Variants in SDK1 observed in about 807,000 individuals in gnomAD.
SDK1 encodes the protein sidekick cell adhesion molecule 1.
Under a neutral mutation model 245.5 loss-of-function variants are expected in SDK1, and 157 were observed. The ratio of observed to expected loss-of-function variants is 0.64; its 90% CI spans 0.56 to 0.73. SDK1 has a LOEUF of 0.73. Ranked by LOEUF, SDK1 falls within the 30% of genes least tolerant of loss-of-function variation. The pLI, the probability that SDK1 is intolerant of heterozygous loss-of-function variation, is 0.00. For synonymous variants in SDK1, 1,647 were observed against 1,278.5 expected (o/e 1.29, Z -6.15); for missense variants, 3,583 against 3,002.3 (o/e 1.19, Z -4.52).
chr7:4,119,627 A>G (rs1783937643), intron 25 of SDK1, among the ~76,000 whole-genome samples: 1 of 149,192 alleles, frequency 6.7e-6, no homozygotes, highest in Admixed American at 6.7e-5. Flanking sequence ...CAAAAATAAA[A>G]CAAAAAGAAA....
rs1406589741 is a variant in SDK1 at position 3,492,164 on chromosome 7, T to C, written c.299-126916T>C. 2.6e-5 allele frequency among the ~76,000 whole-genome samples: 4 copies of C among 152,234 alleles called. 1 individual carries two copies. The highest frequency in any genetic ancestry group is 1.3e-4 in the Admixed American group (2 of 15,290). Reference sequence around the variant, plus strand: ...GCTAGGGAACTTAGTAAGTGCTTTTTAAAATCTAGAGCATTTTCAAAATGC... The same window carrying C: ...GCTAGGGAACTTAGTAAGTGCTTTTCAAAATCTAGAGCATTTTCAAAATGC... On this transcript the variant is annotated intron_variant, in intron 1 of 44. Transcript: ENST00000404826.
intron 5 of SDK1, among the ~76,000 whole-genome samples, chr7:3,899,390 C>A (rs375637861): frequency 3.3e-5 from 5 of 152,316 alleles, no homozygotes; most frequent in South Asian, 2.1e-4. Flanking sequence ...CCAAAAGGCC[C>A]ATTTAAATCC....
intron 16 of SDK1, among the ~76,000 whole-genome samples, chr7:4,014,207 G>T (rs1006355346): frequency 1.3e-5 from 2 of 152,210 alleles, no homozygotes; most frequent in Admixed American, 1.3e-4. Context: ...CACAGAACCA[G>T]GCCCGGGGCA....
intron 13 of SDK1, among the ~76,000 whole-genome samples, chr7:3,975,584 C>G (rs1782858962): frequency 6.6e-6 from 1 of 152,222 alleles, no homozygotes; most frequent in Non-Finnish European, 1.5e-5. Flanking sequence ...TTGCTAAGTG[C>G]TAAGCATGTG....
At chr7:4,156,677 A>G (rs182793934) in intron 30 of SDK1, among the ~76,000 whole-genome samples, 1 of 152,338 alleles carries the variant, frequency 6.6e-6, no homozygotes, top group East Asian at 1.9e-4. Flanking sequence ...TCAGTTTTCT[A>G]AAAAGCAGAA....
chr7:3,832,835 A>G (rs1779943933), intron 5 of SDK1, among the ~76,000 whole-genome samples: 1 of 151,356 alleles, frequency 6.6e-6, no homozygotes, highest in Admixed American at 6.6e-5. Flanking sequence ...TGTTTAGCAC[A>G]AAATTAGTTC....
Position 3,452,227 on chromosome 7 carries a change from A to AGT in SDK1, c.298+150345_298+150346dup, listed in dbSNP as rs370248901. Among the ~76,000 whole-genome samples, 139 of 152,224 alleles carry AGT rather than the reference A, an allele frequency of 9.1e-4. 1 individual carries two copies. Among genetic ancestry groups the AGT allele is most frequent in the African/African-American group, 3.2e-3 (132 of 41,544 alleles). On this transcript the variant is annotated intron_variant, in intron 1 of 44. Transcript: ENST00000404826. ...AATTTTATCTAACCTCTTAAGAACA[A>AGT]GTGGTTATTTTCTCAAGGACTCTAG...
intron 7 of SDK1, chr7:3,952,230 G>A: frequency 8.3e-6 from 3 of 360,194 alleles, no homozygotes; most frequent in Non-Finnish European, 1.5e-5. Flanking sequence ...GCTTTAGGCT[G>A]CTAAGCTTTT....
Position 4,172,223 on chromosome 7 carries a change from C to T in SDK1, c.4801-1999C>T, listed in dbSNP as rs574330158. 5.3e-5 allele frequency among the ~76,000 whole-genome samples: 8 copies of T among 152,356 alleles called. No homozygotes were observed. In the South Asian group the frequency reaches 1.4e-3, roughly 28 times the overall value. On this transcript the variant is annotated intron_variant, in intron 32 of 44. Coordinates refer to ENST00000404826, the MANE Select transcript of SDK1 (RefSeq NM_152744.4). ...AGAGGGACAGCTGCTGGCAGCCCTG[C>T]ATGGCAGTGGCCTGGGGGCTGCTTG...
chr7:3,706,428 G>C (rs969240897), intron 4 of SDK1, among the ~76,000 whole-genome samples: 3 of 152,096 alleles, frequency 2.0e-5, no homozygotes, highest in African/African-American at 7.2e-5. Context: ...TTTTTATGGA[G>C]TCTTGCTCTG....
chr7:3,410,578 C>CTTTTTTTTTT (rs776277920), intron 1 of SDK1, among the ~76,000 whole-genome samples: 3 of 82,058 alleles, frequency 3.7e-5, no homozygotes, highest in African/African-American at 1.6e-4. Context: ...GAAATGATAT[C>CTTTTTTTTTT]TTTTTTTTTT....
Position 3,995,258 on chromosome 7 carries a change from C to G in SDK1, c.2131+7936C>G, listed in dbSNP as rs567217857. On this transcript the variant is annotated intron_variant, in intron 14 of 44. Transcript: ENST00000404826. ...CTCACCGAATCTGGGAATTCTCGCC[C>G]TGATCCTGTCCCCCTCTGCCTTTGC... Among the ~76,000 whole-genome samples the G allele has an allele frequency of 2.6e-5, 4 of 152,306 alleles. No homozygotes were observed. In the South Asian group the frequency reaches 8.3e-4, roughly 32 times the overall value.
intron 5 of SDK1, among the ~76,000 whole-genome samples, chr7:3,823,222 G>T (rs1779690264): frequency 6.6e-6 from 1 of 152,060 alleles, no homozygotes; most frequent in Admixed American, 6.6e-5. Context: ...GATAAAGAAT[G>T]GAAATTGTAT....
intron 1 of SDK1, among the ~76,000 whole-genome samples, chr7:3,541,125 G>C (rs958305628): frequency 1.3e-5 from 2 of 152,208 alleles, no homozygotes; most frequent in African/African-American, 4.8e-5. Context: ...CATGCATTCT[G>C]ATTCGAAATT....
In SDK1 at chr7:3,356,821, G is replaced by A. The variant is rs181174079; in HGVS notation, c.298+54937G>A. On this transcript the variant is annotated intron_variant, in intron 1 of 44. Coordinates refer to ENST00000404826, the MANE Select transcript of SDK1 (RefSeq NM_152744.4). Reference sequence around the variant, plus strand: ...GCCTGTAATCCCAGCACTTTGGGAGGCCGAGGCCAGTGGATCACGAGGTCA... The same window carrying A: ...GCCTGTAATCCCAGCACTTTGGGAGACCGAGGCCAGTGGATCACGAGGTCA... 1.1e-3 allele frequency among the ~76,000 whole-genome samples: 174 copies of A among 152,096 alleles called. 2 individuals are homozygous for A. Among genetic ancestry groups the A allele is most frequent in the African/African-American group, 4.1e-3 (169 of 41,472 alleles).
chr7:3,486,640 G>GT (rs902379152), intron 1 of SDK1, among the ~76,000 whole-genome samples: 48 of 150,628 alleles, frequency 3.2e-4, no homozygotes, highest in Admixed American at 6.6e-4. Flanking sequence ...TTTTTCTTCA[G>GT]TTTTTTTTTC....
At chr7:3,733,508 G>A (rs1295491789) in intron 4 of SDK1, among the ~76,000 whole-genome samples, 1 of 152,158 alleles carries the variant, frequency 6.6e-6, no homozygotes, top group African/African-American at 2.4e-5. Context: ...TGCTCTGGAG[G>A]TCCGAGTGCT....
intron 25 of SDK1, among the ~76,000 whole-genome samples, chr7:4,118,090 A>G (rs983950774): frequency 6.6e-6 from 1 of 152,200 alleles, no homozygotes; most frequent in African/African-American, 2.4e-5. Context: ...GATACATTAG[A>G]CCTCATCAGA....
intron 1 of SDK1, among the ~76,000 whole-genome samples, chr7:3,594,742 A>C: frequency 6.6e-6 from 1 of 152,308 alleles, no homozygotes; most frequent in South Asian, 2.1e-4. Flanking sequence ...TAAATATACT[A>C]TTGATTGTAA....
Sources: gnomAD v4.1 joint callset for allele counts (sites outside exome capture counted in the v4.1 genomes callset) on GRCh38, gnomAD v4.1.1 for gene constraint, MANE v1.5 for transcripts, NCBI Gene and HGNC (gene_info 2026-07-23, HGNC 2026-07-21) for gene names.